The following ADAMTSL1 variants were observed in gnomAD, a reference collection of about 807,000 sequenced individuals.
The protein encoded by ADAMTSL1 is ADAMTS-like protein 1.
ADAMTSL1 carries 126 observed loss-of-function variants against 201.8 expected under a neutral mutation model. That is an observed-to-expected ratio of 0.62 (90% CI 0.54 to 0.72). The LOEUF is 0.72. ADAMTSL1 is among the 30% of genes least tolerant of loss of function. The pLI, the probability that ADAMTSL1 is intolerant of heterozygous loss-of-function variation, is 0.00. For synonymous variants in ADAMTSL1, 1,121 were observed against 903.4 expected (o/e 1.24, Z -4.32); for missense variants, 2,679 against 2,277.8 (o/e 1.18, Z -3.59).
intron 13 of ADAMTSL1, among the ~76,000 whole-genome samples, chr9:18,685,690 A>G (rs1271780242): frequency 6.6e-6 from 1 of 152,228 alleles, no homozygotes; most frequent in Admixed American, 6.5e-5. Context: ...TACTGGAGAT[A>G]TAAATTAACG....
intron 2 of ADAMTSL1, among the ~76,000 whole-genome samples, chr9:18,328,754 T>C (rs1834922464): frequency 6.6e-6 from 1 of 152,148 alleles, no homozygotes; most frequent in Non-Finnish European, 1.5e-5. Context: ...AACTATGAGT[T>C]TTTAAAAGGC....
chr9:17,976,676 T>C (rs1208760871), intron 1 of ADAMTSL1, among the ~76,000 whole-genome samples: 2 of 151,154 alleles, frequency 1.3e-5, no homozygotes, highest in African/African-American at 4.9e-5. Context: ...CACTCTCTCT[T>C]TCTCACTCTC....
intron 2 of ADAMTSL1, among the ~76,000 whole-genome samples, chr9:18,286,030 A>G (rs1200724156): frequency 1.3e-5 from 2 of 151,078 alleles, no homozygotes; most frequent in Non-Finnish European, 2.9e-5. Flanking sequence ...GCAACTGGTT[A>G]CTTTCTCTCT....
At chr9:18,846,782 C>A (rs996026134) in intron 23 of ADAMTSL1, among the ~76,000 whole-genome samples, 2 of 152,068 alleles carry the variant, frequency 1.3e-5, no homozygotes, top group South Asian at 4.2e-4. Context: ...TAGATGAATT[C>A]AGGGATCTGT....
chr9:18,649,175 T>C (rs1370265191), intron 7 of ADAMTSL1, among the ~76,000 whole-genome samples: 10 of 152,260 alleles, frequency 6.6e-5, no homozygotes, highest in Non-Finnish European at 1.3e-4. Context: ...TCCAGTTGAT[T>C]GCATCAGCTC....
At chr9:17,924,209 C>T (rs1227403914) in intron 1 of ADAMTSL1, among the ~76,000 whole-genome samples, 1 of 151,768 alleles carries the variant, frequency 6.6e-6, no homozygotes, top group Non-Finnish European at 1.5e-5. Context: ...GGTACCAGTT[C>T]CTCCTTGTAC....
chr9:18,817,437 T>C (rs1823933138), intron 21 of ADAMTSL1, among the ~76,000 whole-genome samples, 200 bp downstream of exon 21: 1 of 152,216 alleles, frequency 6.6e-6, no homozygotes, highest in Non-Finnish European at 1.5e-5. Context: ...CTGGGACAGA[T>C]AGGTAAAATT....
rs1554691102 is a variant in ADAMTSL1, at chr9:18,503,440, T to TAC, written c.64-1388_64-1387dup. Reference sequence around the variant, plus strand: ...CATTGTGTATATATATATATATATATACCACATTTTGTTTACATATTCATC... The same window carrying TAC: ...CATTGTGTATATATATATATATATATACACCACATTTTGTTTACATATTCATC... On this transcript the variant is annotated intron_variant, in intron 1 of 28. Transcript: ENST00000380548. 1.7e-4 allele frequency among the ~76,000 whole-genome samples: 25 copies of TAC among 148,336 alleles called. 1 individual carries two copies. Among genetic ancestry groups the TAC allele is most frequent in the African/African-American group, 6.1e-4 (25 of 40,780 alleles).
At chr9:18,413,011 C>G (rs538265274) in intron 2 of ADAMTSL1, among the ~76,000 whole-genome samples, 6 of 151,750 alleles carry the variant, frequency 4.0e-5, no homozygotes, top group South Asian at 4.2e-4. Context: ...TTTTTTGTTA[C>G]CAAGTTTTTA....
chr9:18,148,004 G>T (rs1322889914), intron 1 of ADAMTSL1, among the ~76,000 whole-genome samples: 1 of 151,864 alleles, frequency 6.6e-6, no homozygotes, highest in East Asian at 1.9e-4. Flanking sequence ...ATTTATTTTT[G>T]TGTTCAACAC....
intron 1 of ADAMTSL1, among the ~76,000 whole-genome samples, chr9:18,007,894 A>G (rs912448603): frequency 2.6e-5 from 4 of 151,994 alleles, no homozygotes; most frequent in African/African-American, 9.7e-5. Context: ...AAAATTATGA[A>G]GTATTTTGGC....
chr9:18,634,032 A>G (rs1436296694), intron 5 of ADAMTSL1, among the ~76,000 whole-genome samples: 1 of 152,146 alleles, frequency 6.6e-6, no homozygotes, highest in African/African-American at 2.4e-5. Context: ...TCATGTCTAT[A>G]TTTATATCTA....
intron 1 of ADAMTSL1, among the ~76,000 whole-genome samples, chr9:17,974,980 C>T (rs1234733580): frequency 6.6e-6 from 1 of 152,022 alleles, no homozygotes; most frequent in Non-Finnish European, 1.5e-5. Flanking sequence ...TACATTCCTA[C>T]AAACACTGCA....
chr9:18,190,198 T>G (rs1227601188), intron 2 of ADAMTSL1, among the ~76,000 whole-genome samples: 1 of 152,216 alleles, frequency 6.6e-6, no homozygotes, highest in Admixed American at 6.5e-5. Context: ...AATGGTTTAG[T>G]GTCAGCTTTT....
rs531730847 is a variant in ADAMTSL1 at position 18,099,550 on chromosome 9, A to G, written c.88-64312A>G. 2.7e-5 allele frequency among the ~76,000 whole-genome samples: 4 copies of G among 147,640 alleles called. No homozygotes were observed. The South Asian group carries it at 6.5e-4, about 24-fold the overall frequency. On this transcript the variant is annotated intron_variant, in intron 1 of 29. Coordinates refer to the ADAMTSL1 transcript ENST00000680146. Reference sequence around the variant, plus strand: ...TGTTTTCTTCAGGGACTAAATCTGTATGTCGAAATTTTTTTTACCTGTCTT... The same window carrying G: ...TGTTTTCTTCAGGGACTAAATCTGTGTGTCGAAATTTTTTTTACCTGTCTT...
chr9:18,084,407 A>T (rs1378197644), intron 1 of ADAMTSL1, among the ~76,000 whole-genome samples: 4 of 152,064 alleles, frequency 2.6e-5, no homozygotes, highest in African/African-American at 7.2e-5. Context: ...CTGTAATCCC[A>T]GCTACTTAGG....
intron 2 of ADAMTSL1, among the ~76,000 whole-genome samples, chr9:18,318,113 G>C (rs1401315910): frequency 6.6e-6 from 1 of 152,194 alleles, no homozygotes; most frequent in Non-Finnish European, 1.5e-5. Context: ...TGTAAAGCAT[G>C]TCTCATGATG....
At chr9:18,070,583 G>T (rs1170652014) in intron 1 of ADAMTSL1, among the ~76,000 whole-genome samples, 1 of 152,162 alleles carries the variant, frequency 6.6e-6, no homozygotes, top group Non-Finnish European at 1.5e-5. Context: ...ATTTTAAGAA[G>T]GGAAAGATTT....
At chr9:17,937,473 AG>A (rs1219612918) in intron 1 of ADAMTSL1, among the ~76,000 whole-genome samples, 1 of 152,134 alleles carries the variant, frequency 6.6e-6, no homozygotes, top group Admixed American at 6.6e-5. Flanking sequence ...AGATTTGGAT[AG>A]TTGATCAGAA....
Sources: gnomAD v4.1 joint callset for allele counts (sites outside exome capture counted in the v4.1 genomes callset) on GRCh38, gnomAD v4.1.1 for gene constraint, MANE v1.5 for transcripts, NCBI Gene and HGNC (gene_info 2026-07-23, HGNC 2026-07-21) for gene names.